Variants in PSAP observed in about 807,000 individuals in gnomAD.
The protein encoded by PSAP is precursor of saposins.
A neutral mutation model predicts 66.0 loss-of-function variants in PSAP; 25 were observed. The ratio of observed to expected loss-of-function variants is 0.38; its 90% CI spans 0.28 to 0.53. The LOEUF is 0.53. Among genes scored for constraint, PSAP ranks in the 20% least tolerant of loss-of-function variants. The probability of loss-of-function intolerance (pLI) is 0.83; values close to 1 mark genes in which losing one functional copy is unlikely to be tolerated. For synonymous variants in PSAP, 273 were observed against 258.9 expected (o/e 1.05, Z -0.52); for missense variants, 649 against 668.8 (o/e 0.97, Z 0.33).
intron 8 of PSAP, among the ~76,000 whole-genome samples, chr10:71,821,367 AT>A (rs1842297674): frequency 2.0e-5 from 3 of 152,240 alleles, no homozygotes; most frequent in Admixed American, 2.0e-4. Context: ...CCCATAATAA[AT>A]GCCAAATACA....
At chr10:71,847,544 T>G (rs1422429540) in intron 1 of PSAP, among the ~76,000 whole-genome samples, 1 of 151,784 alleles carries the variant, frequency 6.6e-6, no homozygotes, top group African/African-American at 2.4e-5. Flanking sequence ...AAGACTCCCA[T>G]CTCAATAACA....
intron 1 of PSAP, among the ~76,000 whole-genome samples, chr10:71,835,219 A>AAAATAAAT (rs71018228): frequency 0.026 from 3,901 of 147,344 alleles, 142 homozygotes; most frequent in African/African-American, 0.083. Context: ...TCCGTTTCAA[A>AAAATAAAT]AAATAAATAA....
intron 1 of PSAP, 96 bp from the exon 2 acceptor site, chr10:71,834,601 C>A: frequency 6.7e-7 from 1 of 1,501,150 alleles, no homozygotes; most frequent in Non-Finnish European, 9.0e-7. Flanking sequence ...TGTCCTTGAG[C>A]TGGACTCTGC....
chr10:71,816,438 T>TG lies in PSAP; in HGVS notation c.*1002dup. On this transcript the variant is annotated 3_prime_UTR_variant, in exon 14 of 14. Coordinates refer to ENST00000394936, the MANE Select transcript of PSAP (RefSeq NM_002778.4). The stretch of plus-strand genomic sequence containing the variant: ...AACCAGAAGTGGACAGAAGCGTGGG[T>TG]GCCCAAGTGGGCCACAGACAGCTTC... 1 of 471,244 alleles carries TG rather than the reference T, an allele frequency of 2.1e-6. No homozygotes were observed. Among genetic ancestry groups the TG allele is most frequent in the South Asian group, 1.5e-5 (1 of 64,570 alleles). 29.2% of individuals were successfully genotyped at this position (471,244 alleles called of 1,614,324 possible).
At chr10:71,831,980 C>T in intron 2 of PSAP, 60 bp from the exon 3 acceptor site, 1 of 1,484,852 alleles carries the variant, frequency 6.7e-7, no homozygotes, top group Non-Finnish European at 9.4e-7. Flanking sequence ...CCCCACACAG[C>T]TGGAACTCCC....
intron 1 of PSAP, among the ~76,000 whole-genome samples, chr10:71,837,223 A>G (rs1269530874): frequency 6.6e-6 from 1 of 152,234 alleles, no homozygotes; most frequent in Non-Finnish European, 1.5e-5. Context: ...TGCATGTTAC[A>G]AAAACAGCCT....
intron 2 of PSAP, among the ~76,000 whole-genome samples, chr10:71,832,799 C>T (rs558440296): frequency 1.3e-5 from 2 of 151,912 alleles, no homozygotes; most frequent in Non-Finnish European, 2.9e-5. Flanking sequence ...GGGCAGATCA[C>T]GAGGTCAGGA....
At chr10:71,823,433 G>C (rs147937498) in intron 7 of PSAP, among the ~76,000 whole-genome samples, 2 of 152,336 alleles carry the variant, frequency 1.3e-5, no homozygotes, top group African/African-American at 4.8e-5. Flanking sequence ...AAGCATTTCT[G>C]TGTTTATGAA....
intron 7 of PSAP, among the ~76,000 whole-genome samples, chr10:71,822,370 A>G (rs1842320724): frequency 6.6e-6 from 1 of 152,200 alleles, no homozygotes; most frequent in Non-Finnish European, 1.5e-5. Context: ...GAACTAAGCT[A>G]TGCTTTTTTC....
Position 71,817,359 on chromosome 10 carries a change from G to C in PSAP, c.*82C>G. ...CCTATTTTTATAACAAAGTCAAACA[G>C]ATCTGTGCGTTCATTCCCCCAGACA... is the stretch of plus-strand genomic sequence containing the variant. On this transcript the variant is annotated 3_prime_UTR_variant, in exon 14 of 14. Transcript: ENST00000394936. 7.0e-7 allele frequency: 1 copy of C among 1,420,800 alleles called. No homozygotes were observed. Among genetic ancestry groups the C allele is most frequent in the African/African-American group, 1.4e-5 (1 of 71,118 alleles). The allele number at this position is 1,420,800 out of a possible 1,614,324, so 88.0% of individuals were successfully genotyped here. A position where few individuals can be genotyped will look rare whatever the true frequency, so the allele number is the denominator to read the frequency against.
At chr10:71,849,869 C>A (rs1842894720) in intron 1 of PSAP, among the ~76,000 whole-genome samples, 1 of 152,028 alleles carries the variant, frequency 6.6e-6, no homozygotes, top group Admixed American at 6.6e-5. Context: ...GACCAGAAAA[C>A]CCTATATCGC....
chr10:71,849,804 C>T (rs1589462923), intron 1 of PSAP, among the ~76,000 whole-genome samples: 2 of 152,004 alleles, frequency 1.3e-5, no homozygotes, highest in African/African-American at 2.4e-5. Context: ...CCACCGCACC[C>T]AGATGCAAGA....
chr10:71,844,208 A>T (rs1000729927), intron 1 of PSAP, among the ~76,000 whole-genome samples: 25 of 152,260 alleles, frequency 1.6e-4, no homozygotes, highest in African/African-American at 5.8e-4. Flanking sequence ...ATTTGAGAGC[A>T]CTTCTACAAT....
chr10:71,816,813 C>T lies in PSAP; in HGVS notation c.*628G>A. ...ATCACCAGGAAAGACACGGGAAAGC[C>T]AAATCACAGTTGAACCAGGGACAGA... On this transcript the variant is annotated 3_prime_UTR_variant, in exon 14 of 14. Transcript: ENST00000394936. The T allele has an allele frequency of 4.7e-6, 1 of 212,476 alleles. No homozygotes were observed. The highest frequency in any genetic ancestry group is 9.9e-6 in the Non-Finnish European group (1 of 101,202). The allele number at this position is 212,476 out of a possible 1,614,324, so 13.2% of individuals were successfully genotyped here.
At chr10:71,824,705 A>G (rs1326787374) in intron 7 of PSAP, among the ~76,000 whole-genome samples, 1 of 152,274 alleles carries the variant, frequency 6.6e-6, no homozygotes, top group Non-Finnish European at 1.5e-5. Context: ...AGTACAAGGT[A>G]GTATATATGA....
chr10:71,827,315 C>A (rs190431942), intron 6 of PSAP, among the ~76,000 whole-genome samples: 1 of 150,878 alleles, frequency 6.6e-6, no homozygotes, highest in African/African-American at 2.4e-5. Context: ...AGGAGAATGG[C>A]GTGAACCCGG....
chr10:71,819,881 A>G lies in PSAP; in HGVS notation c.1025T>C (p.Phe342Ser), dbSNP rs767014382. 2 of 1,614,170 alleles carry G rather than the reference A, an allele frequency of 1.2e-6. No individual in the cohort carries two copies. Among genetic ancestry groups the G allele is most frequent in the Non-Finnish European group, 1.7e-6 (2 of 1,180,032 alleles). Residue 342 changes from phenylalanine (F) to serine (S), a missense_variant, in exon 10 of 14, where the codon TTT becomes TCT. Physicochemically the swap from Phe to Ser is radical, Grantham distance 155 (BLOSUM62 -2). Transcript: ENST00000394936. ...CGGCAGCTTCGAGCACATTTTGTCA[A>G]AAGCGTCGAGTATTTCTTTCTGAAA... ...NKTEKEILDA[F>S]DKMCSKLPKS...
Position 71,835,842 on chromosome 10 carries a change from A to AC in PSAP, c.41-1338_41-1337insG, listed in dbSNP as rs1323576026. Among the ~76,000 whole-genome samples the AC allele has an allele frequency of 6.5e-4, 95 of 145,982 alleles. 2 individuals are homozygous for AC. Among genetic ancestry groups the AC allele is most frequent in the African/African-American group, 2.5e-3 (90 of 36,104 alleles). On this transcript the variant is annotated intron_variant, in intron 1 of 13. Coordinates refer to ENST00000394936, the MANE Select transcript of PSAP (RefSeq NM_002778.4). ...GACAGAAAAAAAAAAAAAAAAAACA[A>AC]AACACAATCACCTGAGAAACACACT...
chr10:71,834,744 T>C (rs1842589148), intron 1 of PSAP, among the ~76,000 whole-genome samples: 1 of 152,250 alleles, frequency 6.6e-6, no homozygotes, highest in Admixed American at 6.5e-5. Context: ...CCTCTCTAGC[T>C]ACCTTTAAAC....
Sources: allele counts gnomAD v4.1 joint callset (sites outside exome capture counted in the v4.1 genomes callset), GRCh38; gene constraint gnomAD v4.1.1; transcripts MANE v1.5; gene names NCBI Gene and HGNC (gene_info 2026-07-23, HGNC 2026-07-21).